SORCS2: variants seen among roughly 807,000 people sequenced by gnomAD.
SORCS2 encodes the protein VPS10 domain-containing receptor SorCS2.
SORCS2 carries 100 observed loss-of-function variants against 141.6 expected under a neutral mutation model. That is an observed-to-expected ratio of 0.71 (90% CI 0.60 to 0.83). The LOEUF is 0.83. Ranked by LOEUF, SORCS2 falls within the 40% of genes least tolerant of loss-of-function variation. The probability of loss-of-function intolerance (pLI) is 0.00; values close to 1 mark genes in which losing one functional copy is unlikely to be tolerated. For missense variants in SORCS2, 1,646 were observed against 1,560.2 expected, an observed-to-expected ratio of 1.05 and a Z score of -0.93; for synonymous variants, 789 against 676.9, an observed-to-expected ratio of 1.17 and a Z score of -2.57.
intron 3 of SORCS2, among the ~76,000 whole-genome samples, chr4:7,543,602 ATCCATCCG>A (rs1712893971): frequency 6.9e-6 from 1 of 144,382 alleles, no homozygotes; most frequent in Non-Finnish European, 1.5e-5. Flanking sequence ...CATTCCATCC[ATCCATCCG>A]TCCATCCACC....
In SORCS2 at chr4:7,201,506, CTTTAT is replaced by C. The variant is rs1200084121; in HGVS notation, c.480+8386_480+8390del. Among the ~76,000 whole-genome samples the C allele has an allele frequency of 6.6e-6, 1 of 152,162 alleles. No individual in the cohort carries two copies. ...CGTGGGCCTCTCGGCGTAGCCGTTA[CTTTAT>C]TTTATGGTGATTTTTCAGAGTCAGG... On this transcript the variant is annotated intron_variant, in intron 1 of 26. Transcript: ENST00000507866. This position sits in a 1 kb window ranked among gnomAD's most constrained non-coding sequence, Gnocchi z 4.4.
rs1441031480 is a variant in SORCS2, at chr4:7,403,975, ATATATATATATATATATATATATTT to A, written c.548+7622_548+7646del. Among the ~76,000 whole-genome samples the A allele has an allele frequency of 3.1e-3, 137 of 44,034 alleles. 3 individuals carry two copies. Among genetic ancestry groups the A allele is most frequent in the African/African-American group, 0.01 (131 of 12,814 alleles). The allele number at this position is 44,034 out of a possible 152,430, so 28.9% of individuals were successfully genotyped here. ...CCTCCATGTGTGTATATATATATAT[ATATATATATATATATATATATATTT>A]TTTTTTTTTTTTTAGTATCCATTTA... On this transcript the variant is annotated intron_variant, in intron 2 of 26. Coordinates refer to ENST00000507866, the MANE Select transcript of SORCS2 (RefSeq NM_020777.3).
At chr4:7,495,130 AG>A (rs1731535187) in intron 2 of SORCS2, among the ~76,000 whole-genome samples, 1 of 152,068 alleles carries the variant, frequency 6.6e-6, no homozygotes, top group African/African-American at 2.4e-5. Flanking sequence ...TACTACAGTC[AG>A]CTTAGAAACC....
intron 5 of SORCS2, among the ~76,000 whole-genome samples, chr4:7,656,134 T>C (rs1025920778): frequency 5.3e-5 from 8 of 152,212 alleles, no homozygotes; most frequent in Admixed American, 1.3e-4. Flanking sequence ...GTCCTTGAAC[T>C]GACAGCGGGA....
chr4:7,520,252 T>C (rs1733240081), intron 2 of SORCS2, among the ~76,000 whole-genome samples: 3 of 152,210 alleles, frequency 2.0e-5, no homozygotes, highest in African/African-American at 7.2e-5. Flanking sequence ...GGAAAGGAAC[T>C]CTGGCACTGG....
In SORCS2 at chr4:7,193,208, C is replaced by A; in HGVS notation, c.480+82C>A. On this transcript the variant is annotated intron_variant, in intron 1 of 26. Coordinates refer to ENST00000507866, the MANE Select transcript of SORCS2 (RefSeq NM_020777.3). This position sits in a 1 kb window ranked among gnomAD's most constrained non-coding sequence, Gnocchi z 4.8. ...GGGCGGGACCGCCACGGCCCCCACC[C>A]CAGATCCCCACTATGGTCATCAGGG... The A allele has an allele frequency of 7.3e-7, 1 of 1,361,770 alleles. No homozygotes were observed. Among genetic ancestry groups the A allele is most frequent in the South Asian group, 1.7e-5 (1 of 57,444 alleles). The allele number at this position is 1,361,770 out of a possible 1,614,324, so 84.4% of individuals were successfully genotyped here. A position where few individuals can be genotyped will look rare whatever the true frequency, so the allele number is the denominator to read the frequency against.
chr4:7,527,105 G>A lies in SORCS2; in HGVS notation c.549-4425G>A, dbSNP rs772210847. Among the ~76,000 whole-genome samples, 5 of 152,088 alleles carry A rather than the reference G, an allele frequency of 3.3e-5. No homozygotes were observed. The East Asian group carries it at 5.8e-4, about 18-fold the overall frequency. ...AGCCCTCTCTGTGGCCCTGGGGACCGCCCGCCCCACCCACCTCCGGCCGCC... is the reference window on the plus strand; with the variant it reads ...AGCCCTCTCTGTGGCCCTGGGGACCACCCGCCCCACCCACCTCCGGCCGCC... On this transcript the variant is annotated intron_variant, in intron 2 of 26. Coordinates refer to ENST00000507866, the MANE Select transcript of SORCS2 (RefSeq NM_020777.3).
chr4:7,453,381 GCA>G, intron 2 of SORCS2, among the ~76,000 whole-genome samples: 4 of 134,714 alleles, frequency 3.0e-5, no homozygotes, highest in South Asian at 2.7e-4. Context: ...TTGGGGTCAG[GCA>G]CTGTGTTGGG....
At chr4:7,305,845 C>T (rs982123264) in intron 1 of SORCS2, among the ~76,000 whole-genome samples, 1 of 152,194 alleles carries the variant, frequency 6.6e-6, no homozygotes, top group Admixed American at 6.5e-5. Flanking sequence ...CCCCGATCAT[C>T]CCCCCAGATG....
chr4:7,228,573 C>T (rs1249278191), intron 1 of SORCS2, among the ~76,000 whole-genome samples: 1 of 152,222 alleles, frequency 6.6e-6, no homozygotes, highest in Non-Finnish European at 1.5e-5. Context: ...GAGAATTATG[C>T]AGAGGACATG....
At chr4:7,720,130 GTC>G (rs1560109936) in intron 18 of SORCS2, among the ~76,000 whole-genome samples, 2 of 151,930 alleles carry the variant, frequency 1.3e-5, no homozygotes, top group South Asian at 2.1e-4. Flanking sequence ...CTCACACACT[GTC>G]TCACACACAC....
Position 7,550,096 on chromosome 4 carries a change from G to GTT in SORCS2, c.648+18477_648+18478dup, listed in dbSNP as rs59288057. Among the ~76,000 whole-genome samples, 378 of 145,956 alleles carry GTT rather than the reference G, an allele frequency of 2.6e-3. 2 individuals carry two copies. The highest frequency in any genetic ancestry group is 5.2e-3 in the South Asian group (24 of 4,620). ...CTCTTCACACCTGCCGGGAGCTGGT[G>GTT]TTTTTTTTTTTCCGTGTGTGTGTGT... On this transcript the variant is annotated intron_variant, in intron 3 of 26. Coordinates refer to ENST00000507866, the MANE Select transcript of SORCS2 (RefSeq NM_020777.3).
rs192690300 is a variant in SORCS2 at position 7,321,565 on chromosome 4, G to C, written c.481-74723G>C. Among the ~76,000 whole-genome samples, 378 of 152,330 alleles carry C rather than the reference G, an allele frequency of 2.5e-3. 1 individual carries two copies. The highest frequency in any genetic ancestry group is 8.6e-3 in the African/African-American group (358 of 41,556). On this transcript the variant is annotated intron_variant, in intron 1 of 26. Transcript: ENST00000507866. ...CACCGGTGGATGAAAGAAGATGCCT[G>C]CTCTCATGCAGCTGACATCTCACAG...
chr4:7,238,294 G>A (rs1712427997), intron 1 of SORCS2, among the ~76,000 whole-genome samples: 2 of 150,082 alleles, frequency 1.3e-5, no homozygotes, highest in Non-Finnish European at 2.9e-5. Flanking sequence ...GGAGTCTGGG[G>A]GGGGTTGCTG....
intron 1 of SORCS2, among the ~76,000 whole-genome samples, chr4:7,379,119 A>G (rs937207853): frequency 6.6e-6 from 1 of 152,010 alleles, no homozygotes; most frequent in Non-Finnish European, 1.5e-5. Context: ...TGTGCTTGGG[A>G]TGTGGCTAAG....
At chr4:7,422,910 G>A (rs572114550) in intron 2 of SORCS2, among the ~76,000 whole-genome samples, 8 of 152,262 alleles carry the variant, frequency 5.3e-5, no homozygotes, top group African/African-American at 1.7e-4. Flanking sequence ...GGCACCCCGC[G>A]GGGATCCGCA....
chr4:7,359,313 C>CAA (rs5855958), intron 1 of SORCS2, among the ~76,000 whole-genome samples: 12 of 151,390 alleles, frequency 7.9e-5, no homozygotes, highest in Admixed American at 1.3e-4. Flanking sequence ...AGCAAATAAA[C>CAA]AAAAAAAACA....
chr4:7,726,066 GTC>G (rs1310357106), intron 20 of SORCS2, among the ~76,000 whole-genome samples: 4 of 152,242 alleles, frequency 2.6e-5, no homozygotes, highest in Non-Finnish European at 4.4e-5. Flanking sequence ...GGCCTCTCCT[GTC>G]TCTGCGGCAA....
chr4:7,351,100 C>G (rs1279338335), intron 1 of SORCS2, among the ~76,000 whole-genome samples: 1 of 152,248 alleles, frequency 6.6e-6, no homozygotes, highest in Non-Finnish European at 1.5e-5. Flanking sequence ...GGGTGACCAA[C>G]ACACGCTACA....
Sources: gnomAD v4.1 joint callset for allele counts (sites outside exome capture counted in the v4.1 genomes callset) on GRCh38, gnomAD v4.1.1 for gene constraint, Gnocchi (gnomAD v3.1) non-coding constraint, MANE v1.5 for transcripts, NCBI Gene and HGNC (gene_info 2026-07-23, HGNC 2026-07-21) for gene names.